TMEM87B: variants seen among roughly 807,000 people sequenced by gnomAD.
The protein encoded by TMEM87B is transmembrane protein 87B.
In TMEM87B, 83 loss-of-function variants were observed where a neutral mutation model predicts 80.3. The observed-to-expected ratio is 1.03, with a 90% confidence interval of 0.87 to 1.24. The LOEUF is 1.24. Ranked by LOEUF, TMEM87B falls within the 50% of genes most tolerant of loss-of-function variation. The pLI, the probability that TMEM87B is intolerant of heterozygous loss-of-function variation, is 0.00. For missense variants in TMEM87B, 625 were observed against 674.4 expected, an observed-to-expected ratio of 0.93 and a Z score of 0.81; for synonymous variants, 219 against 230.5, an observed-to-expected ratio of 0.95 and a Z score of 0.45.
intron 6 of TMEM87B, among the ~76,000 whole-genome samples, chr2:112,080,328 C>T (rs200652583): frequency 1.3e-5 from 2 of 151,724 alleles, no homozygotes; most frequent in East Asian, 1.9e-4. Context: ...GGCGTGATCT[C>T]GGCTCACTGC....
intron 8 of TMEM87B, among the ~76,000 whole-genome samples, chr2:112,084,632 T>TG: frequency 6.6e-6 from 1 of 152,246 alleles, no homozygotes. Context: ...TGTGAGTTCT[T>TG]GCAGGCAAGA....
intron 14 of TMEM87B, among the ~76,000 whole-genome samples, chr2:112,099,337 C>T (rs968691804): frequency 1.3e-5 from 2 of 151,932 alleles, no homozygotes; most frequent in Non-Finnish European, 2.9e-5. Flanking sequence ...AAAGGAAGTG[C>T]TCATTGGAAC....
chr2:112,069,304 C>T (rs1678554157), intron 4 of TMEM87B, among the ~76,000 whole-genome samples: 1 of 151,724 alleles, frequency 6.6e-6, no homozygotes, highest in African/African-American at 2.4e-5. Flanking sequence ...TTTTTCTGCT[C>T]CTCTACCTCC....
At position 112,091,696 on chromosome 2, in the gene TMEM87B, T is replaced by C; in HGVS notation, c.1033-16T>C. ...AGTGTTACATTCAGGTTTCTTCCCT[T>C]ATTTTTATCTTTCAGGGTTCTAACC... On this transcript the variant is annotated splice_polypyrimidine_tract_variant and intron_variant, in intron 10 of 18. Coordinates refer to ENST00000283206, the MANE Select transcript of TMEM87B (RefSeq NM_032824.3). The C allele has an allele frequency of 6.3e-7, 1 of 1,592,432 alleles. No individual in the cohort carries two copies. Among genetic ancestry groups the C allele is most frequent in the South Asian group, 1.1e-5 (1 of 88,798 alleles).
intron 2 of TMEM87B, among the ~76,000 whole-genome samples, chr2:112,061,789 C>T (rs1678266721): frequency 6.6e-6 from 1 of 152,170 alleles, no homozygotes; most frequent in African/African-American, 2.4e-5. Context: ...AATGGGACAG[C>T]ATGAGGGATT....
At chr2:112,105,008 C>G (rs1228354831) in intron 15 of TMEM87B, among the ~76,000 whole-genome samples, 1 of 151,890 alleles carries the variant, frequency 6.6e-6, no homozygotes, top group East Asian at 1.9e-4. Flanking sequence ...GGGGATTGAC[C>G]AGAAAGGAAC....
At chr2:112,059,398 C>G (rs1678176883) in intron 1 of TMEM87B, among the ~76,000 whole-genome samples, 1 of 151,128 alleles carries the variant, frequency 6.6e-6, no homozygotes, top group South Asian at 2.1e-4. Context: ...TGAGAAGGAG[C>G]CAACTAGATG....
At chr2:112,066,832 C>A in intron 3 of TMEM87B, 104 bp from the exon 4 acceptor site, 1 of 1,058,268 alleles carries the variant, frequency 9.4e-7, no homozygotes, top group Non-Finnish European at 1.3e-6. Flanking sequence ...CCAGGTATTT[C>A]AAACTGAATA....
intron 8 of TMEM87B, among the ~76,000 whole-genome samples, chr2:112,082,138 A>G (rs574903595): frequency 9.2e-5 from 14 of 152,354 alleles, no homozygotes; most frequent in African/African-American, 1.9e-4. Flanking sequence ...AAGTAAAGGT[A>G]CAACTCTCCC....
chr2:112,056,838 T>C (rs1678086683), intron 1 of TMEM87B, among the ~76,000 whole-genome samples: 1 of 152,198 alleles, frequency 6.6e-6, no homozygotes, highest in African/African-American at 2.4e-5. Context: ...TGTGTGCCAG[T>C]TATAGTCTGC....
chr2:112,105,752 TA>T (rs1679748013), intron 15 of TMEM87B: 2 of 359,414 alleles, frequency 5.6e-6, no homozygotes, highest in Non-Finnish European at 9.9e-6. Flanking sequence ...GTTTAAACTC[TA>T]AAACTAGGAT....
At chr2:112,061,092 A>G (rs1433477236) in intron 2 of TMEM87B, among the ~76,000 whole-genome samples, 1 of 152,238 alleles carries the variant, frequency 6.6e-6, no homozygotes, top group Non-Finnish European at 1.5e-5. Context: ...GCTGGACAAC[A>G]TTTTAATTAG....
At chr2:112,095,505 C>T (rs1167418187) in intron 11 of TMEM87B, 4 of 938,190 alleles carry the variant, frequency 4.3e-6, no homozygotes, top group Non-Finnish European at 5.1e-6. Context: ...TAAACCAGAC[C>T]AGATTTTTTT....
intron 15 of TMEM87B, among the ~76,000 whole-genome samples, chr2:112,102,995 A>G (rs1679670511): frequency 6.6e-6 from 1 of 152,236 alleles, no homozygotes; most frequent in Non-Finnish European, 1.5e-5. Flanking sequence ...AAGAAAGAAC[A>G]TGTGGAAAGG....
At chr2:112,112,194 C>G (rs561338505) in intron 17 of TMEM87B, among the ~76,000 whole-genome samples, 27 of 152,318 alleles carry the variant, frequency 1.8e-4, no homozygotes, top group African/African-American at 6.5e-4. Flanking sequence ...TCTCCTCCCT[C>G]AGACCTCTGT....
chr2:112,083,466 A>G (rs1679059584), intron 8 of TMEM87B, among the ~76,000 whole-genome samples: 1 of 152,230 alleles, frequency 6.6e-6, no homozygotes, highest in Admixed American at 6.5e-5. Flanking sequence ...GCCACAGGTG[A>G]CCAGTGACTG....
At chr2:112,081,553 T>G (rs1455599926) in intron 8 of TMEM87B, 35 bp downstream of exon 8, 1 of 1,558,894 alleles carries the variant, frequency 6.4e-7, no homozygotes, top group East Asian at 2.2e-5. Flanking sequence ...TATAGTATGA[T>G]CTAAGAGTTC....
At chr2:112,101,070 A>G (rs1385271202) in intron 15 of TMEM87B, among the ~76,000 whole-genome samples, 1 of 152,202 alleles carries the variant, frequency 6.6e-6, no homozygotes, top group Non-Finnish European at 1.5e-5. Flanking sequence ...GATCATGCTG[A>G]AAGCATTTCT....
intron 18 of TMEM87B, among the ~76,000 whole-genome samples, chr2:112,115,457 G>T (rs28437819): frequency 0.14 from 4,728 of 34,728 alleles, 793 homozygotes; most frequent in African/African-American, 0.43. Flanking sequence ...TACAGAAAGA[G>T]GTAGCATTAC....
Sources: allele counts gnomAD v4.1 joint callset (sites outside exome capture counted in the v4.1 genomes callset), GRCh38; gene constraint gnomAD v4.1.1; transcripts MANE v1.5; gene names NCBI Gene and HGNC (gene_info 2026-07-23, HGNC 2026-07-21).